ZNF277: variants seen among roughly 807,000 people sequenced by gnomAD.
ZNF277 encodes zinc finger protein 277.
A neutral mutation model predicts 60.7 loss-of-function variants in ZNF277; 55 were observed. That is an observed-to-expected ratio of 0.91 (90% CI 0.73 to 1.13). The LOEUF is 1.13. Ranked by LOEUF, ZNF277 falls within the 50% of genes most tolerant of loss-of-function variation. The pLI, the probability that ZNF277 is intolerant of heterozygous loss-of-function variation, is 0.00. For missense variants in ZNF277, 510 were observed against 523.0 expected, an observed-to-expected ratio of 0.98 and a Z score of 0.24; for synonymous variants, 178 against 179.3, an observed-to-expected ratio of 0.99 and a Z score of 0.06.
chr7:112,239,525 A>C (rs1483898955), intron 1 of ZNF277, among the ~76,000 whole-genome samples: 1 of 152,184 alleles, frequency 6.6e-6, no homozygotes, highest in East Asian at 1.9e-4. Flanking sequence ...CAGACAGCTC[A>C]GCATGGAGAG....
At chr7:112,266,087 A>T (rs1791543920) in intron 1 of ZNF277, among the ~76,000 whole-genome samples, 1 of 152,194 alleles carries the variant, frequency 6.6e-6, no homozygotes, top group Admixed American at 6.5e-5. Context: ...TAGTATTTTC[A>T]TCTTACTGCA....
chr7:112,284,713 G>A (rs779284934), intron 1 of ZNF277, among the ~76,000 whole-genome samples: 1 of 151,854 alleles, frequency 6.6e-6, no homozygotes, highest in South Asian at 2.1e-4. Context: ...TATTAATTTT[G>A]TGAACAAAAA....
chr7:112,296,900 A>ATTTATTTT (rs1792353147), intron 4 of ZNF277, among the ~76,000 whole-genome samples: 1 of 26,418 alleles, frequency 3.8e-5, no homozygotes, highest in African/African-American at 1.7e-4. Flanking sequence ...TTATTTATTT[A>ATTTATTTT]TTTATTTATT....
At chr7:112,242,944 C>CA (rs1790994418) in intron 1 of ZNF277, among the ~76,000 whole-genome samples, 1 of 151,734 alleles carries the variant, frequency 6.6e-6, no homozygotes, top group Non-Finnish European at 1.5e-5. Flanking sequence ...AAGCAGTAAC[C>CA]AAAAAAGAAT....
chr7:112,274,484 A>C (rs1270386049), intron 1 of ZNF277, among the ~76,000 whole-genome samples: 1 of 152,200 alleles, frequency 6.6e-6, no homozygotes, highest in Non-Finnish European at 1.5e-5. Flanking sequence ...GCCTAAAAAG[A>C]ATCATTCTTT....
chr7:112,230,668 T>A (rs1344440592), intron 1 of ZNF277, among the ~76,000 whole-genome samples: 2 of 152,240 alleles, frequency 1.3e-5, no homozygotes, highest in Non-Finnish European at 2.9e-5. Flanking sequence ...TGCTTTATTT[T>A]CTAAATGAGA....
chr7:112,290,100 A>C (rs1054075766), intron 2 of ZNF277, among the ~76,000 whole-genome samples: 7 of 152,206 alleles, frequency 4.6e-5, no homozygotes, highest in African/African-American at 1.7e-4. Flanking sequence ...TGTTGGGATT[A>C]CAGGTGTGAG....
chr7:112,319,711 A>G (rs1223626383), intron 5 of ZNF277, among the ~76,000 whole-genome samples: 2 of 148,682 alleles, frequency 1.3e-5, no homozygotes, highest in Non-Finnish European at 3.0e-5. Flanking sequence ...TTAAATTTAT[A>G]AATTATAAAA....
chr7:112,294,223 G>A (rs1792275204), intron 2 of ZNF277, among the ~76,000 whole-genome samples: 1 of 152,166 alleles, frequency 6.6e-6, no homozygotes, highest in Non-Finnish European at 1.5e-5. Context: ...AGCAACTAGT[G>A]AGGAATGGAA....
chr7:112,269,211 T>G (rs1171064672), intron 1 of ZNF277, among the ~76,000 whole-genome samples: 2 of 9,096 alleles, frequency 2.2e-4, no homozygotes, highest in African/African-American at 4.5e-3. Context: ...ATTTTTTTTG[T>G]TTTTTTTTTG....
chr7:112,288,699 A>C (rs932505027), intron 2 of ZNF277: 1 of 158,546 alleles, frequency 6.3e-6, no homozygotes, highest in Non-Finnish European at 1.5e-5. Context: ...CTGGCTGGCT[A>C]AGTGGCTGTC....
At chr7:112,208,830 G>A (rs1226002145) in intron 1 of ZNF277, among the ~76,000 whole-genome samples, 1 of 151,940 alleles carries the variant, frequency 6.6e-6, no homozygotes, top group Admixed American at 6.6e-5. Context: ...ACAGGCGCCA[G>A]CCAACAAGCC....
intron 1 of ZNF277, among the ~76,000 whole-genome samples, chr7:112,210,213 T>G (rs985508307): frequency 3.3e-5 from 5 of 152,192 alleles, no homozygotes; most frequent in African/African-American, 1.2e-4. Flanking sequence ...TTAAGAGATT[T>G]TCTTCTTGCT....
rs573502404 is a variant in ZNF277 at position 112,214,316 on chromosome 7, C to A, written c.91+7509C>A. On this transcript the variant is annotated intron_variant, in intron 1 of 11. Transcript: ENST00000361822. ...CTGCTGTCTCCAGTGATTAAATCTT[C>A]AAATGTTTCTATTAGCTCTTCTTAG... Among the ~76,000 whole-genome samples, 6 of 152,278 alleles carry A rather than the reference C, an allele frequency of 3.9e-5. No homozygotes were observed. In the South Asian group the frequency reaches 1.2e-3, roughly 32 times the overall value.
At chr7:112,210,664 G>A (rs905325180) in intron 1 of ZNF277, among the ~76,000 whole-genome samples, 2 of 151,810 alleles carry the variant, frequency 1.3e-5, no homozygotes, top group East Asian at 3.9e-4. Flanking sequence ...TAGAGACAGA[G>A]TTTCGCCATC....
At chr7:112,301,434 A>G (rs750289401) in intron 4 of ZNF277, among the ~76,000 whole-genome samples, 14 of 152,222 alleles carry the variant, frequency 9.2e-5, no homozygotes, top group Non-Finnish European at 1.5e-4. Context: ...TTATTCAACA[A>G]ATATTTATCT....
chr7:112,228,154 CA>C (rs1265525950), intron 1 of ZNF277, among the ~76,000 whole-genome samples: 2 of 152,052 alleles, frequency 1.3e-5, no homozygotes, highest in African/African-American at 2.4e-5. Flanking sequence ...TCCATCTTCA[CA>C]TGGCCTCCTT....
chr7:112,335,969 C>CT (rs1793321126), intron 7 of ZNF277, 135 bp from the exon 8 acceptor site: 1 of 606,802 alleles, frequency 1.6e-6, no homozygotes, highest in Non-Finnish European at 2.8e-6. Context: ...GTATATCCTA[C>CT]TTGTACTGTT....
chr7:112,306,829 G>T (rs1434859826), intron 4 of ZNF277, among the ~76,000 whole-genome samples: 1 of 151,462 alleles, frequency 6.6e-6, no homozygotes, highest in Admixed American at 6.6e-5. Flanking sequence ...ACTTTATTTT[G>T]AATGTTCTAA....
Sources: allele counts gnomAD v4.1 joint callset (sites outside exome capture counted in the v4.1 genomes callset), GRCh38; gene constraint gnomAD v4.1.1; transcripts MANE v1.5; gene names NCBI Gene and HGNC (gene_info 2026-07-23, HGNC 2026-07-21).